The following CACNA2D1 variants were observed in gnomAD, a reference collection of about 807,000 sequenced individuals.
The protein encoded by CACNA2D1 is voltage-dependent calcium channel subunit alpha-2/delta-1.
CACNA2D1 carries 53 observed loss-of-function variants against 171.5 expected under a neutral mutation model. That is an observed-to-expected ratio of 0.31 (90% CI 0.25 to 0.39). The LOEUF is 0.39. Ranked by LOEUF, CACNA2D1 falls within the 10% of genes least tolerant of loss-of-function variation. The pLI is 1.00. For missense variants in CACNA2D1, 903 were observed against 1,299.8 expected (o/e 0.69, Z 4.69); for synonymous variants, 442 against 443.1 (o/e 1.00, Z 0.03).
At chr7:82,338,401 C>G (rs1818246631) in intron 2 of CACNA2D1, among the ~76,000 whole-genome samples, 2 of 151,924 alleles carry the variant, frequency 1.3e-5, no homozygotes, top group Non-Finnish European at 2.9e-5. Flanking sequence ...TGGCTATTCA[C>G]AGAGGCAATC....
At chr7:82,072,640 T>G (rs1469886326) in intron 7 of CACNA2D1, among the ~76,000 whole-genome samples, 1 of 151,260 alleles carries the variant, frequency 6.6e-6, no homozygotes, top group South Asian at 2.1e-4. Context: ...TCCAGGTGAG[T>G]AAATATTAAT....
rs3801687 is a variant in CACNA2D1 at position 82,366,106 on chromosome 7, T to C, written c.96-16457A>G. Among the ~76,000 whole-genome samples, 1,263 of 152,330 alleles carry C rather than the reference T, an allele frequency of 8.3e-3. 20 individuals are homozygous for C. Among genetic ancestry groups the C allele is most frequent in the African/African-American group, 0.026 (1,097 of 41,584 alleles). The stretch of plus-strand genomic sequence containing the variant: ...CACTCGTTGCTACAGCACAGATATA[T>C]AGGCCCATATACTCACTTTCACTTT... On this transcript the variant is annotated intron_variant, in intron 1 of 38. Coordinates refer to ENST00000356860, the MANE Select transcript of CACNA2D1 (RefSeq NM_000722.4).
At chr7:82,300,393 C>T (rs1366279912) in intron 3 of CACNA2D1, among the ~76,000 whole-genome samples, 3 of 151,598 alleles carry the variant, frequency 2.0e-5, no homozygotes, top group African/African-American at 4.8e-5. Context: ...ATATTTTATA[C>T]GTAAAAGAAT....
At chr7:82,403,959 G>A (rs1826743259) in intron 1 of CACNA2D1, among the ~76,000 whole-genome samples, 1 of 152,206 alleles carries the variant, frequency 6.6e-6, no homozygotes, top group African/African-American at 2.4e-5. Flanking sequence ...TAATGACAAA[G>A]TAAATATTCA....
chr7:82,087,824 G>C (rs1165950188), intron 6 of CACNA2D1, among the ~76,000 whole-genome samples: 1 of 152,028 alleles, frequency 6.6e-6, no homozygotes, highest in African/African-American at 2.4e-5. Context: ...GCACACTCAG[G>C]ATAAATAATG....
At chr7:82,400,990 T>G (rs1476398048) in intron 1 of CACNA2D1, among the ~76,000 whole-genome samples, 1 of 151,998 alleles carries the variant, frequency 6.6e-6, no homozygotes, top group Non-Finnish European at 1.5e-5. Context: ...GAAATGCAAA[T>G]CAAAACCACA....
At position 82,321,159 on chromosome 7, in the gene CACNA2D1, G is replaced by C. The variant is rs188236294; in HGVS notation, c.294+13976C>G. On this transcript the variant is annotated intron_variant, in intron 3 of 38. Coordinates refer to ENST00000356860, the MANE Select transcript of CACNA2D1 (RefSeq NM_000722.4). ...CACGCCTATAACCCCAGCACTTTGG[G>C]AGGCCGAGGCAGGCAGAACATTCGA... Among the ~76,000 whole-genome samples the C allele has an allele frequency of 3.6e-3, 546 of 152,238 alleles. 2 individuals carry two copies. The highest frequency in any genetic ancestry group is 4.0e-3 in the Non-Finnish European group (270 of 68,012).
At chr7:82,288,477 T>G (rs926256203) in intron 3 of CACNA2D1, among the ~76,000 whole-genome samples, 12 of 151,830 alleles carry the variant, frequency 7.9e-5, no homozygotes, top group African/African-American at 2.7e-4. Flanking sequence ...GCTTAGCTTC[T>G]TTTAACAAAG....
intron 7 of CACNA2D1, among the ~76,000 whole-genome samples, chr7:82,076,862 A>C (rs1809029737): frequency 6.6e-6 from 1 of 152,004 alleles, no homozygotes; most frequent in Non-Finnish European, 1.5e-5. Flanking sequence ...AGCAGTGGTT[A>C]TTCATCTCCT....
intron 12 of CACNA2D1, among the ~76,000 whole-genome samples, chr7:82,019,930 T>C (rs1007123789): frequency 5.3e-5 from 8 of 152,200 alleles, no homozygotes; most frequent in Non-Finnish European, 1.2e-4. Flanking sequence ...ATTAAGCCTA[T>C]GAAAATACTA....
intron 1 of CACNA2D1, among the ~76,000 whole-genome samples, chr7:82,377,171 T>C (rs925657941): frequency 3.3e-5 from 5 of 152,188 alleles, no homozygotes; most frequent in Non-Finnish European, 7.3e-5. Flanking sequence ...AAAAATTGAT[T>C]CATTTTTATT....
chr7:82,363,254 C>CTTTTTTTT lies in CACNA2D1; in HGVS notation c.96-13613_96-13606dup, dbSNP rs35419275. Among the ~76,000 whole-genome samples, 98 of 63,422 alleles carry CTTTTTTTT rather than the reference C, an allele frequency of 1.5e-3. 11 individuals are homozygous for CTTTTTTTT. The highest frequency in any genetic ancestry group is 9.2e-3 in the South Asian group (12 of 1,310). 41.6% of individuals were successfully genotyped at this position (63,422 alleles called of 152,430 possible). A position where few individuals can be genotyped will look rare whatever the true frequency, so the allele number is the denominator to read the frequency against. On this transcript the variant is annotated intron_variant, in intron 1 of 38. Coordinates refer to ENST00000356860, the MANE Select transcript of CACNA2D1 (RefSeq NM_000722.4). ...CTACCATAGTTTTATTTATTTGTCT[C>CTTTTTTTT]TTTTTTTTTTTTTTTTTTTTTTTTT... is the stretch of plus-strand genomic sequence containing the variant.
intron 14 of CACNA2D1, among the ~76,000 whole-genome samples, 171 bp downstream of exon 14, chr7:82,013,290 A>G (rs1800020994): frequency 6.6e-6 from 1 of 151,876 alleles, no homozygotes; most frequent in Admixed American, 6.6e-5. Flanking sequence ...AACACTTGCA[A>G]TGTTAATGAA....
chr7:82,219,116 G>A (rs1364300668), intron 3 of CACNA2D1, among the ~76,000 whole-genome samples: 1 of 151,996 alleles, frequency 6.6e-6, no homozygotes, highest in African/African-American at 2.4e-5. Flanking sequence ...ATTTACAATG[G>A]TCTGAGGTAG....
chr7:82,122,151 CAAAA>C (rs1789811717), intron 5 of CACNA2D1, among the ~76,000 whole-genome samples: 1 of 151,542 alleles, frequency 6.6e-6, no homozygotes, highest in South Asian at 2.1e-4. Flanking sequence ...TGAGCAGTAA[CAAAA>C]AGAAAGTTAA....
At chr7:82,150,414 C>T (rs1382747741) in intron 4 of CACNA2D1, among the ~76,000 whole-genome samples, 1 of 122,662 alleles carries the variant, frequency 8.2e-6, no homozygotes, top group Non-Finnish European at 1.7e-5. Context: ...CAAAGCAAAG[C>T]TTTCCCTTAA....
rs368664409 is a variant in CACNA2D1 at position 82,249,440 on chromosome 7, C to G, written c.295-78831G>C. On this transcript the variant is annotated intron_variant, in intron 3 of 38. Coordinates refer to ENST00000356860, the MANE Select transcript of CACNA2D1 (RefSeq NM_000722.4). ...TTGGTTAAAAAGCAAATGTAGGGAA[C>G]AAACAAAATGAGGCTGAAAAGGTGT... is the stretch of plus-strand genomic sequence containing the variant. Among the ~76,000 whole-genome samples the G allele has an allele frequency of 9.2e-5, 14 of 152,222 alleles. No individual in the cohort carries two copies. The East Asian group carries it at 2.5e-3, about 27-fold the overall frequency.
At chr7:82,078,025 G>T (rs1293703695) in intron 7 of CACNA2D1, among the ~76,000 whole-genome samples, 1 of 151,812 alleles carries the variant, frequency 6.6e-6, no homozygotes, top group Non-Finnish European at 1.5e-5. Context: ...GAAAAAAAAA[G>T]TCATTCCATA....
chr7:82,231,902 T>C (rs1265466708), intron 3 of CACNA2D1, among the ~76,000 whole-genome samples: 1 of 152,174 alleles, frequency 6.6e-6, no homozygotes, highest in African/African-American at 2.4e-5. Flanking sequence ...TACATTTTAC[T>C]CTTCCCCAAG....
Sources: allele counts gnomAD v4.1 joint callset (sites outside exome capture counted in the v4.1 genomes callset), GRCh38; gene constraint gnomAD v4.1.1; transcripts MANE v1.5; gene names NCBI Gene and HGNC (gene_info 2026-07-23, HGNC 2026-07-21).